The following SBF2 variants were observed in gnomAD, a reference collection of about 807,000 sequenced individuals.
SBF2 encodes SET binding factor 2.
SBF2 carries 112 observed loss-of-function variants against 225.2 expected under a neutral mutation model. The ratio of observed to expected loss-of-function variants is 0.50; its 90% CI spans 0.43 to 0.58. The LOEUF (loss-of-function observed/expected upper bound fraction) is 0.58. SBF2 is among the 20% of genes least tolerant of loss of function. The pLI is 0.00. For synonymous variants in SBF2, 763 were observed against 773.3 expected (o/e 0.99, Z 0.22); for missense variants, 1,996 against 2,206.2 (o/e 0.90, Z 1.91).
chr11:9,911,134 G>A (rs962390828), intron 16 of SBF2, among the ~76,000 whole-genome samples: 4 of 151,702 alleles, frequency 2.6e-5, no homozygotes, highest in East Asian at 3.9e-4. Flanking sequence ...TTGGGAGGCC[G>A]AGTCAGGTGG....
intron 1 of SBF2, among the ~76,000 whole-genome samples, chr11:10,253,714 T>C (rs1591311470): frequency 6.6e-6 from 1 of 152,144 alleles, no homozygotes; most frequent in East Asian, 1.9e-4. Context: ...CACAGTATAA[T>C]TTAGTTTGTC....
chr11:10,035,962 G>A (rs574342225), intron 3 of SBF2, among the ~76,000 whole-genome samples: 55 of 152,228 alleles, frequency 3.6e-4, no homozygotes, highest in Non-Finnish European at 6.9e-4. Flanking sequence ...ACATGCACAC[G>A]TATGCTTATT....
At chr11:10,178,686 AG>A (rs1956583038) in intron 2 of SBF2, among the ~76,000 whole-genome samples, 1 of 143,934 alleles carries the variant, frequency 6.9e-6, no homozygotes, top group African/African-American at 2.6e-5. Flanking sequence ...TTAAAAAGTC[AG>A]GAAACAACAG....
intron 1 of SBF2, among the ~76,000 whole-genome samples, chr11:10,274,789 G>A (rs1239909600): frequency 1.3e-5 from 2 of 150,942 alleles, no homozygotes; most frequent in Non-Finnish European, 3.0e-5. Context: ...GAAAGTTTCT[G>A]TTCAAGTACC....
intron 16 of SBF2, among the ~76,000 whole-genome samples, chr11:9,916,818 C>G (rs1046768071): frequency 1.3e-5 from 2 of 152,014 alleles, no homozygotes; most frequent in African/African-American, 4.8e-5. Context: ...ATTCTGGCCT[C>G]AAGTGATCCT....
At chr11:10,177,095 T>C (rs1008618620) in intron 2 of SBF2, among the ~76,000 whole-genome samples, 1 of 151,892 alleles carries the variant, frequency 6.6e-6, no homozygotes, top group African/African-American at 2.4e-5. Context: ...AAAAACCACA[T>C]GATTATCTCA....
At chr11:10,304,745 A>G (rs950896065) in exon 1 of SBF2, 1 of 152,352 alleles carries the variant, frequency 6.6e-6, no homozygotes, top group Non-Finnish European at 1.5e-5. Flanking sequence ...TCCGGGCCGC[A>G]TGGGTCCTGG....
At chr11:10,143,744 G>C (rs1021182733) in intron 2 of SBF2, among the ~76,000 whole-genome samples, 1 of 150,812 alleles carries the variant, frequency 6.6e-6, no homozygotes, top group African/African-American at 2.4e-5. Flanking sequence ...TTTAGACGAA[G>C]TCTCGCTCTT....
At chr11:10,023,564 A>ACC (rs1948938338) in intron 6 of SBF2, among the ~76,000 whole-genome samples, 2 of 152,164 alleles carry the variant, frequency 1.3e-5, no homozygotes, top group Non-Finnish European at 2.9e-5. Context: ...ATAATCACTA[A>ACC]TCTGTTTTGC....
Position 10,294,104 on chromosome 11 carries a change from G to A in SBF2, c.-35C>T. On this transcript the variant is annotated 5_prime_UTR_variant, in exon 1 of 40. In the 5' UTR this introduces an upstream ATG that the reference lacks. Coordinates refer to ENST00000256190, the MANE Select transcript of SBF2 (RefSeq NM_030962.4). Reference sequence around the variant, plus strand: ...CGCCGCGCTCGGGAAGCGGGTCCCCGTCGCCGCCCTCGCCGCCGCCGCCCA... The same window carrying A: ...CGCCGCGCTCGGGAAGCGGGTCCCCATCGCCGCCCTCGCCGCCGCCGCCCA... 8.3e-6 allele frequency: 11 copies of A among 1,323,582 alleles called. No individual in the cohort carries two copies. The highest frequency in any genetic ancestry group is 9.6e-6 in the Non-Finnish European group (10 of 1,038,112). The allele number at this position is 1,323,582 out of a possible 1,614,324, so 82.0% of individuals were successfully genotyped here.
At chr11:10,207,411 T>C (rs1352147929) in intron 1 of SBF2, among the ~76,000 whole-genome samples, 1 of 152,020 alleles carries the variant, frequency 6.6e-6, no homozygotes, top group Non-Finnish European at 1.5e-5. Flanking sequence ...AAAATACAAA[T>C]CCAAGTCATC....
At chr11:10,234,859 T>C (rs1468339791) in intron 1 of SBF2, among the ~76,000 whole-genome samples, 1 of 152,120 alleles carries the variant, frequency 6.6e-6, no homozygotes, top group East Asian at 1.9e-4. Context: ...ATCAGTGTGG[T>C]TATAGCTTGG....
intron 16 of SBF2, among the ~76,000 whole-genome samples, chr11:9,938,057 C>A (rs564384161): frequency 0.014 from 2,100 of 152,054 alleles, 50 homozygotes; most frequent in African/African-American, 0.047. Flanking sequence ...CTTTGGGGGC[C>A]AAGGCGGGCG....
intron 17 of SBF2, among the ~76,000 whole-genome samples, chr11:9,868,752 C>T (rs986453906): frequency 6.6e-6 from 1 of 152,176 alleles, no homozygotes; most frequent in Non-Finnish European, 1.5e-5. Context: ...CTGACTGCAT[C>T]CCAGTGGTGA....
At chr11:9,831,108 C>T (rs1855372368) in intron 27 of SBF2, among the ~76,000 whole-genome samples, 1 of 152,148 alleles carries the variant, frequency 6.6e-6, no homozygotes, top group Non-Finnish European at 1.5e-5. Flanking sequence ...AAGTGATTCT[C>T]CCACCTCAGC....
At chr11:9,797,707 C>T (rs186136537) in intron 32 of SBF2, among the ~76,000 whole-genome samples, 118 of 152,306 alleles carry the variant, frequency 7.7e-4, no homozygotes, top group Non-Finnish European at 2.4e-4. Context: ...TGGTGGCTCA[C>T]GCCTGTAATC....
At chr11:10,248,216 G>A (rs1005997952) in intron 1 of SBF2, among the ~76,000 whole-genome samples, 3 of 152,264 alleles carry the variant, frequency 2.0e-5, no homozygotes, top group Middle Eastern at 3.4e-3. Context: ...ATAAATGTTT[G>A]TCCTAAAGCT....
At chr11:9,825,135 A>G (rs1364205414) in intron 28 of SBF2, among the ~76,000 whole-genome samples, 1 of 152,216 alleles carries the variant, frequency 6.6e-6, no homozygotes, top group African/African-American at 2.4e-5. Flanking sequence ...ATATATCATT[A>G]GTTAAGATGA....
chr11:10,284,668 T>C (rs993507906), intron 1 of SBF2, among the ~76,000 whole-genome samples: 2 of 152,174 alleles, frequency 1.3e-5, no homozygotes, highest in African/African-American at 4.8e-5. Flanking sequence ...TGGAGTACAA[T>C]GGCAAAAACA....
Sources: gnomAD v4.1 joint callset for allele counts (sites outside exome capture counted in the v4.1 genomes callset) on GRCh38, gnomAD v4.1.1 for gene constraint, MANE v1.5 for transcripts, NCBI Gene and HGNC (gene_info 2026-07-23, HGNC 2026-07-21) for gene names.